The following MAGI2 variants were observed in gnomAD, a reference collection of about 807,000 sequenced individuals.
MAGI2 encodes the protein membrane associated guanylate kinase, WW and PDZ domain containing 2, also known as membrane-associated guanylate kinase, WW and PDZ domain-containing protein 2.
In MAGI2, 35 loss-of-function variants were observed where a neutral mutation model predicts 133.3. That is an observed-to-expected ratio of 0.26 (90% CI 0.20 to 0.35). The LOEUF (loss-of-function observed/expected upper bound fraction) is 0.35. Among genes scored for constraint, MAGI2 ranks in the 10% least tolerant of loss-of-function variants. The pLI, the probability that MAGI2 is intolerant of heterozygous loss-of-function variation, is 1.00. For missense variants in MAGI2, 1,636 were observed against 1,863.4 expected, an observed-to-expected ratio of 0.88 and a Z score of 2.25; for synonymous variants, 729 against 710.6, an observed-to-expected ratio of 1.03 and a Z score of -0.41.
At chr7:78,796,901 C>T (rs1787665532) in intron 2 of MAGI2, among the ~76,000 whole-genome samples, 1 of 152,080 alleles carries the variant, frequency 6.6e-6, no homozygotes, top group Admixed American at 6.6e-5. Context: ...ATTGCATGTT[C>T]TCACTCTTAT....
intron 2 of MAGI2, among the ~76,000 whole-genome samples, chr7:78,764,445 T>C (rs1282799010): frequency 6.6e-6 from 1 of 152,204 alleles, no homozygotes; most frequent in Admixed American, 6.5e-5. Context: ...TCTCGATGAA[T>C]TTGTGAATAA....
chr7:79,352,035 C>T (rs1429334547), intron 1 of MAGI2: 8 of 152,116 alleles, frequency 5.3e-5, no homozygotes, highest in South Asian at 4.2e-4. Flanking sequence ...ATACTTTTCC[C>T]GTAGCACTAG....
chr7:78,266,455 G>A (rs1562713081), intron 9 of MAGI2, among the ~76,000 whole-genome samples: 1 of 152,038 alleles, frequency 6.6e-6, no homozygotes, highest in Admixed American at 6.6e-5. Context: ...TGCCCACCTT[G>A]GCCTCCCAAA....
chr7:78,275,220 G>A (rs1200433838), intron 9 of MAGI2, among the ~76,000 whole-genome samples: 1 of 152,202 alleles, frequency 6.6e-6, no homozygotes, highest in East Asian at 1.9e-4. Context: ...AACCCCTTGT[G>A]CTTCCCAGGT....
chr7:78,337,249 G>A (rs1322017083), intron 9 of MAGI2, among the ~76,000 whole-genome samples: 2 of 152,132 alleles, frequency 1.3e-5, no homozygotes, highest in Admixed American at 6.5e-5. Flanking sequence ...AAGGTTTCTG[G>A]GCACTGTGAT....
chr7:78,089,270 T>C (rs1030606787), intron 20 of MAGI2, among the ~76,000 whole-genome samples: 1 of 152,222 alleles, frequency 6.6e-6, no homozygotes, highest in African/African-American at 2.4e-5. Flanking sequence ...ATGCTTCTCA[T>C]TGGCCAAATC....
intron 2 of MAGI2, among the ~76,000 whole-genome samples, chr7:78,685,855 T>C (rs534958643): frequency 6.6e-6 from 1 of 152,262 alleles, no homozygotes; most frequent in South Asian, 2.1e-4. Flanking sequence ...CCCCTTGGGC[T>C]ACTGTGAGCA....
intron 1 of MAGI2, among the ~76,000 whole-genome samples, chr7:79,185,236 A>G (rs566460854): frequency 1.3e-5 from 2 of 152,074 alleles, no homozygotes; most frequent in South Asian, 4.1e-4. Flanking sequence ...TCCAAACTCC[A>G]TTGGTATCTT....
At chr7:79,411,394 G>A (rs1475372003) in intron 1 of MAGI2, 3 of 152,146 alleles carry the variant, frequency 2.0e-5, no homozygotes, top group Non-Finnish European at 4.4e-5. Flanking sequence ...TGAAGAGAGA[G>A]TCTGAAACAT....
chr7:78,056,666 C>T (rs558537514), intron 21 of MAGI2, among the ~76,000 whole-genome samples: 1 of 151,594 alleles, frequency 6.6e-6, no homozygotes, highest in Admixed American at 6.6e-5. Flanking sequence ...TGGGGCCTGT[C>T]AGGGCTTGGG....
intron 4 of MAGI2, among the ~76,000 whole-genome samples, chr7:78,512,350 C>T (rs1400604926): frequency 2.0e-5 from 3 of 152,100 alleles, no homozygotes; most frequent in African/African-American, 4.8e-5. Flanking sequence ...ATACCTCAAT[C>T]CAGGAAGCAG....
At chr7:78,484,827 C>T (rs1180146521) in intron 6 of MAGI2, 1 of 152,000 alleles carries the variant, frequency 6.6e-6, no homozygotes, top group African/African-American at 2.4e-5. Context: ...GAAAGAGGTA[C>T]AACTCCCATT....
At chr7:78,425,956 G>A (rs966896724) in intron 6 of MAGI2, among the ~76,000 whole-genome samples, 6 of 152,094 alleles carry the variant, frequency 3.9e-5, no homozygotes, top group Middle Eastern at 3.2e-3. Flanking sequence ...AAAAAAAATT[G>A]GAAAACAATA....
At chr7:79,035,993 A>G (rs1811093076) in intron 1 of MAGI2, among the ~76,000 whole-genome samples, 1 of 152,342 alleles carries the variant, frequency 6.6e-6, no homozygotes, top group East Asian at 1.9e-4. Context: ...AGAACATGAC[A>G]TTGATAACAT....
chr7:78,019,876 A>G lies in MAGI2; in HGVS notation c.3807T>C (p.His1269=). Residue 1269 remains histidine (H), a synonymous_variant, in exon 22 of 22, where the codon CAT becomes CAC. Coordinates refer to ENST00000354212, the MANE Select transcript of MAGI2 (RefSeq NM_012301.4). ...DDGLAPFSPS[H]PAPPSDPSHQ... ...GGGAAGGGTCGGAGGGTGGGGCTGG[A>G]TGTGATGGAGAGAATGGAGCGAGGC... The G allele has an allele frequency of 6.2e-7, 1 of 1,612,974 alleles. No homozygotes were observed. The highest frequency in any genetic ancestry group is 8.5e-7 in the Non-Finnish European group (1 of 1,179,712).
At chr7:78,606,277 T>A (rs1805805700) in intron 3 of MAGI2, among the ~76,000 whole-genome samples, 1 of 151,966 alleles carries the variant, frequency 6.6e-6, no homozygotes, top group Non-Finnish European at 1.5e-5. Context: ...TAGGTCTGAG[T>A]TAGGGATGTA....
rs575008890 is a variant in MAGI2 at position 79,225,916 on chromosome 7, T to C, written c.302-218710A>G. On this transcript the variant is annotated intron_variant, in intron 1 of 21. Coordinates refer to ENST00000354212, the MANE Select transcript of MAGI2 (RefSeq NM_012301.4). ...AGAGCTGTTGGGAAAATAGTTATTA[T>C]GAGATAATTATATCCCAACAGAATG... 1.6e-4 allele frequency among the ~76,000 whole-genome samples: 25 copies of C among 152,290 alleles called. 1 individual carries two copies. The East Asian group carries it at 4.8e-3, about 29-fold the overall frequency.
At chr7:78,577,795 T>C (rs192739894) in intron 3 of MAGI2, among the ~76,000 whole-genome samples, 1 of 152,186 alleles carries the variant, frequency 6.6e-6, no homozygotes, top group African/African-American at 2.4e-5. Flanking sequence ...TGGAATGTCA[T>C]CAGTTAAGGC....
chr7:79,382,638 T>C (rs961693424), intron 1 of MAGI2, among the ~76,000 whole-genome samples: 22 of 151,686 alleles, frequency 1.5e-4, no homozygotes, highest in Non-Finnish European at 2.4e-4. Context: ...GTTTAAATGA[T>C]AGGTATACTG....
Sources: allele counts gnomAD v4.1 joint callset (sites outside exome capture counted in the v4.1 genomes callset), GRCh38; gene constraint gnomAD v4.1.1; transcripts MANE v1.5; gene names NCBI Gene and HGNC (gene_info 2026-07-23, HGNC 2026-07-21).